ITGAE: variants seen among roughly 807,000 people sequenced by gnomAD.
ITGAE encodes integrin alpha-E.
A neutral mutation model predicts 136.5 loss-of-function variants in ITGAE; 99 were observed. The ratio of observed to expected loss-of-function variants is 0.73; its 90% CI spans 0.62 to 0.86. The LOEUF (loss-of-function observed/expected upper bound fraction) is 0.86. ITGAE is among the 40% of genes least tolerant of loss of function. The probability of loss-of-function intolerance (pLI) is 0.00; values close to 1 mark genes in which losing one functional copy is unlikely to be tolerated. For synonymous variants in ITGAE, 613 were observed against 591.8 expected (o/e 1.04, Z -0.52); for missense variants, 1,447 against 1,515.3 (o/e 0.95, Z 0.75).
chr17:3,769,095 C>T (rs890017261), intron 2 of ITGAE, among the ~76,000 whole-genome samples: 3 of 152,178 alleles, frequency 2.0e-5, no homozygotes, highest in Non-Finnish European at 4.4e-5. Flanking sequence ...CCTGCTCCCC[C>T]AGGAAGGGTG....
chr17:3,755,737 A>G (rs1162014485), intron 11 of ITGAE, 93 bp downstream of exon 11: 5 of 993,812 alleles, frequency 5.0e-6, no homozygotes, highest in Non-Finnish European at 7.7e-6. Flanking sequence ...GGTAGGGCAG[A>G]GCCCTGGATG....
intron 1 of ITGAE, among the ~76,000 whole-genome samples, chr17:3,791,210 T>C (rs1310967856): frequency 6.6e-6 from 1 of 151,176 alleles, no homozygotes; most frequent in African/African-American, 2.4e-5. Context: ...ATGGACTAAG[T>C]ATTTGGTATT....
chr17:3,751,915 C>G (rs182592486), intron 14 of ITGAE, 41 bp from the exon 15 acceptor site: 1 of 1,544,024 alleles, frequency 6.5e-7, no homozygotes, highest in African/African-American at 1.4e-5. Flanking sequence ...AGAAGGGGTG[C>G]TAGGTGCCCA....
chr17:3,800,544 C>T (rs1300228823), intron 1 of ITGAE, among the ~76,000 whole-genome samples: 2 of 152,026 alleles, frequency 1.3e-5, no homozygotes, highest in Non-Finnish European at 2.9e-5. Context: ...TAAAATGGGA[C>T]CCCCCAGGCA....
intron 28 of ITGAE, among the ~76,000 whole-genome samples, chr17:3,721,430 C>T (rs975775355): frequency 2.0e-5 from 3 of 151,306 alleles, no homozygotes; most frequent in African/African-American, 4.9e-5. Context: ...AGCCACCATG[C>T]GTGGCTAATT....
rs572988077 is a variant in ITGAE, at chr17:3,777,252, T to C, written c.155+288A>G. Among the ~76,000 whole-genome samples, 290 of 152,240 alleles carry C rather than the reference T, an allele frequency of 1.9e-3. 4 individuals are homozygous for C. Among genetic ancestry groups the C allele is most frequent in the African/African-American group, 6.3e-3 (262 of 41,562 alleles). On this transcript the variant is annotated intron_variant, in intron 2 of 30. Transcript: ENST00000263087. ...CTGGGATTACAGGCGTGAGCCACCGTGCCCGGCCACTAAAATTGTCTTTAA... is the reference window on the plus strand; with the variant it reads ...CTGGGATTACAGGCGTGAGCCACCGCGCCCGGCCACTAAAATTGTCTTTAA...
intron 26 of ITGAE, 86 bp downstream of exon 26, chr17:3,727,833 T>C: frequency 2.3e-6 from 2 of 881,762 alleles, no homozygotes; most frequent in Admixed American, 3.9e-5. Flanking sequence ...GTCTTCACTC[T>C]GTTTCTAGAA....
At position 3,729,472 on chromosome 17, in the gene ITGAE, A is replaced by G. The variant is rs2051291965; in HGVS notation, c.2912+6T>C. The G allele has an allele frequency of 1.9e-6, 3 of 1,591,288 alleles. No individual in the cohort carries two copies. The East Asian group carries it at 6.7e-5, about 36-fold the overall frequency. On this transcript the variant is annotated splice_donor_region_variant and intron_variant, in intron 24 of 30. Transcript: ENST00000263087. ...ACACCGCTGCTGGCCTCTTGGGAGT[A>G]CTCACTTGGACAGAACTGCAACGAA...
At chr17:3,796,853 AT>A (rs1440667053) in intron 1 of ITGAE, among the ~76,000 whole-genome samples, 2 of 152,172 alleles carry the variant, frequency 1.3e-5, no homozygotes, top group African/African-American at 4.8e-5. Context: ...ACCGAGGCCC[AT>A]GGGGCATGAT....
chr17:3,736,071 AG>A (rs2051453892), intron 20 of ITGAE, among the ~76,000 whole-genome samples: 2 of 152,074 alleles, frequency 1.3e-5, no homozygotes, highest in African/African-American at 4.8e-5. Context: ...TGAACCCGGT[AG>A]GGGGAGTTTG....
intron 1 of ITGAE, among the ~76,000 whole-genome samples, chr17:3,800,600 C>T (rs1022362518): frequency 1.3e-5 from 2 of 152,168 alleles, no homozygotes; most frequent in Non-Finnish European, 2.9e-5. Context: ...TTACCCTGGG[C>T]CTGACAACAC....
intron 20 of ITGAE, among the ~76,000 whole-genome samples, chr17:3,736,837 G>A (rs963883969): frequency 2.7e-5 from 4 of 149,734 alleles, no homozygotes; most frequent in East Asian, 2.1e-4. Context: ...CACCACGCCC[G>A]GCCTAGGAAG....
At chr17:3,758,403 T>C (rs1264809532) in intron 8 of ITGAE, among the ~76,000 whole-genome samples, 1 of 151,790 alleles carries the variant, frequency 6.6e-6, no homozygotes, top group Non-Finnish European at 1.5e-5. Flanking sequence ...AAGCCACTGC[T>C]CCAAGCTGTG....
At chr17:3,721,260 CTTTTTTTTTTTTTTT>C (rs869087347) in intron 28 of ITGAE, among the ~76,000 whole-genome samples, 4 of 46,200 alleles carry the variant, frequency 8.7e-5, no homozygotes, top group Admixed American at 5.8e-4. Flanking sequence ...GAGATTTTTC[CTTTTTTTTTTTTTTT>C]TTTTTTTTTT....
At chr17:3,761,369 A>G in intron 5 of ITGAE, 34 bp downstream of exon 5, 1 of 1,588,580 alleles carries the variant, frequency 6.3e-7, no homozygotes, top group Non-Finnish European at 8.6e-7. Context: ...ATCTCTTTAG[A>G]GCTATCCAAG....
intron 1 of ITGAE, among the ~76,000 whole-genome samples, chr17:3,778,829 C>T (rs2052602157): frequency 6.6e-6 from 1 of 152,134 alleles, no homozygotes; most frequent in Admixed American, 6.6e-5. Flanking sequence ...TGTTTTCAGA[C>T]ATTTGACAAT....
intron 1 of ITGAE, among the ~76,000 whole-genome samples, chr17:3,790,868 T>G (rs2052920743): frequency 6.6e-6 from 1 of 151,828 alleles, no homozygotes. Context: ...AAAAAGACAT[T>G]TGGAGGCCGG....
At chr17:3,774,135 C>A (rs1296787016) in intron 2 of ITGAE, among the ~76,000 whole-genome samples, 1 of 150,854 alleles carries the variant, frequency 6.6e-6, no homozygotes, top group Non-Finnish European at 1.5e-5. Context: ...AAGCTCCCGC[C>A]CTGCCCAGCC....
chr17:3,772,724 A>G (rs1329634050), intron 2 of ITGAE, among the ~76,000 whole-genome samples: 3 of 152,128 alleles, frequency 2.0e-5, no homozygotes, highest in Admixed American at 6.6e-5. Context: ...TCAGCCTCCC[A>G]AAGTGCTGGG....
Sources: gnomAD v4.1 joint callset for allele counts (sites outside exome capture counted in the v4.1 genomes callset) on GRCh38, gnomAD v4.1.1 for gene constraint, MANE v1.5 for transcripts, NCBI Gene and HGNC (gene_info 2026-07-23, HGNC 2026-07-21) for gene names.